The following PRKN variants were observed in gnomAD, a reference collection of about 807,000 sequenced individuals.
The protein encoded by PRKN is parkin RBR E3 ubiquitin protein ligase.
A neutral mutation model predicts 59.5 loss-of-function variants in PRKN; 56 were observed. The observed-to-expected ratio is 0.94, with a 90% CI of 0.76 to 1.18. The LOEUF is 1.18. PRKN is among the 50% of genes most tolerant of loss of function. The pLI, the probability that PRKN is intolerant of heterozygous loss-of-function variation, is 0.00. For missense variants in PRKN, 657 were observed against 596.4 expected (o/e 1.10, Z -1.06); for synonymous variants, 250 against 222.1 (o/e 1.13, Z -1.12).
intron 1 of PRKN, among the ~76,000 whole-genome samples, chr6:162,459,467 CA>C (rs1453721468): frequency 1.3e-5 from 2 of 152,048 alleles, no homozygotes; most frequent in East Asian, 1.9e-4. Flanking sequence ...GCCCACAGAT[CA>C]AAATTCACAA....
intron 7 of PRKN, among the ~76,000 whole-genome samples, chr6:161,607,137 G>A (rs1179328189): frequency 6.6e-6 from 1 of 152,168 alleles, no homozygotes; most frequent in African/African-American, 2.4e-5. Flanking sequence ...ATCTGCAGTT[G>A]TGGAGTCCTA....
At chr6:161,739,007 T>G (rs1788079694) in intron 7 of PRKN, among the ~76,000 whole-genome samples, 1 of 152,208 alleles carries the variant, frequency 6.6e-6, no homozygotes, top group Admixed American at 6.5e-5. Flanking sequence ...TCAAAGCCCC[T>G]ACTGGAAATA....
chr6:162,021,464 T>A (rs1219672720), intron 5 of PRKN, among the ~76,000 whole-genome samples: 7,362 of 29,726 alleles, frequency 0.25, 174 homozygotes, highest in East Asian at 0.34. Flanking sequence ...TATATATATT[T>A]TTTTTTTTTT....
At chr6:162,308,372 G>A (rs934823352) in intron 2 of PRKN, among the ~76,000 whole-genome samples, 1 of 152,148 alleles carries the variant, frequency 6.6e-6, no homozygotes, top group Admixed American at 6.6e-5. Flanking sequence ...GATTGATGAA[G>A]AGGTATTCAA....
intron 2 of PRKN, among the ~76,000 whole-genome samples, chr6:162,368,731 C>A (rs1785588455): frequency 6.6e-6 from 1 of 152,168 alleles, no homozygotes; most frequent in Admixed American, 6.5e-5. Context: ...TAACTAGTGG[C>A]AGCTAGCTAG....
At chr6:162,216,381 T>C (rs1051435449) in intron 3 of PRKN, among the ~76,000 whole-genome samples, 1 of 148,838 alleles carries the variant, frequency 6.7e-6, no homozygotes, top group Non-Finnish European at 1.5e-5. Context: ...ATACAAAAAA[T>C]TAGCCGGGCG....
At chr6:161,651,123 A>T (rs1270927067) in intron 7 of PRKN, among the ~76,000 whole-genome samples, 1 of 152,208 alleles carries the variant, frequency 6.6e-6, no homozygotes, top group Admixed American at 6.5e-5. Context: ...GTCTTTAAGA[A>T]GAGAGGTTTA....
At chr6:161,474,124 C>T (rs1388592976) in intron 9 of PRKN, among the ~76,000 whole-genome samples, 4 of 152,204 alleles carry the variant, frequency 2.6e-5, no homozygotes, top group Non-Finnish European at 4.4e-5. Flanking sequence ...AGTCACTCCA[C>T]CTCTCCTGTG....
intron 11 of PRKN, among the ~76,000 whole-genome samples, chr6:161,358,788 C>CTTTTTTTT (rs34428983): frequency 5.6e-4 from 38 of 67,818 alleles, no homozygotes; most frequent in Non-Finnish European, 6.5e-4. Flanking sequence ...GCCTTCTGCT[C>CTTTTTTTT]TTTTTTTTTT....
chr6:162,569,686 T>C (rs1780231675), intron 1 of PRKN: 1 of 628,402 alleles, frequency 1.6e-6, no homozygotes. Context: ...AGACCTGCGA[T>C]GGGAAGCTGG....
chr6:162,243,164 G>C (rs1166678823), intron 3 of PRKN, among the ~76,000 whole-genome samples: 1 of 152,054 alleles, frequency 6.6e-6, no homozygotes, highest in Non-Finnish European at 1.5e-5. Context: ...GTTTTCTTGA[G>C]ATGGGCTCAA....
Position 161,454,157 on chromosome 6 carries a change from G to A in PRKN, c.1084-67280C>T, listed in dbSNP as rs9456675. 0.013 allele frequency among the ~76,000 whole-genome samples: 1,935 copies of A among 152,260 alleles called. 46 individuals are homozygous for A. Among genetic ancestry groups the A allele is most frequent in the African/African-American group, 0.043 (1,803 of 41,544 alleles). Reference sequence around the variant, plus strand: ...AAGTAACAATGTACACAACTCGCTAGGGTTGCCAGCAGCATTTTGGCGATG... The same window carrying A: ...AAGTAACAATGTACACAACTCGCTAAGGTTGCCAGCAGCATTTTGGCGATG... On this transcript the variant is annotated intron_variant, in intron 9 of 11. Coordinates refer to ENST00000366898, the MANE Select transcript of PRKN (RefSeq NM_004562.3). The surrounding 1 kb of genome is among the most constrained non-coding windows in gnomAD (Gnocchi z 4.6).
At position 161,399,900 on chromosome 6, in the gene PRKN, C is replaced by T. The variant is rs1392410036; in HGVS notation, c.1084-13023G>A. Among the ~76,000 whole-genome samples, 1 of 152,098 alleles carries T rather than the reference C, an allele frequency of 6.6e-6. No individual in the cohort carries two copies. The highest frequency in any genetic ancestry group is 2.4e-5 in the African/African-American group (1 of 41,410). On this transcript the variant is annotated intron_variant, in intron 9 of 11. Coordinates refer to ENST00000366898, the MANE Select transcript of PRKN (RefSeq NM_004562.3). The surrounding 1 kb of genome is among the most constrained non-coding windows in gnomAD (Gnocchi z 4.4). The stretch of plus-strand genomic sequence containing the variant: ...AAAAAGAAACAAGTAAAATTAATTT[C>T]AATATTTTACTTAACTAAATATATT...
At chr6:161,984,084 C>T (rs536395186) in intron 5 of PRKN, among the ~76,000 whole-genome samples, 3 of 152,006 alleles carry the variant, frequency 2.0e-5, no homozygotes, top group Non-Finnish European at 4.4e-5. Flanking sequence ...GCTCTGGCCT[C>T]AGCGGTCAGA....
chr6:162,439,590 T>C (rs1408619992), intron 2 of PRKN, among the ~76,000 whole-genome samples: 1 of 152,082 alleles, frequency 6.6e-6, no homozygotes, highest in African/African-American at 2.4e-5. Context: ...CAGCGGACCC[T>C]TGAATAACAT....
chr6:162,674,539 G>A (rs1460430466), intron 1 of PRKN, among the ~76,000 whole-genome samples: 2 of 152,188 alleles, frequency 1.3e-5, no homozygotes, highest in South Asian at 2.1e-4. Context: ...GACACGAGAA[G>A]CTGATGGTGG....
At position 161,566,287 on chromosome 6, in the gene PRKN, T is replaced by C. The variant is rs1780640036; in HGVS notation, c.933+3068A>G. ...TCCACATTGTGGAGTCCAGTGCTCATTTCTCATCCTTGTCCTTCTTGCTGA... is the reference window on the plus strand; with the variant it reads ...TCCACATTGTGGAGTCCAGTGCTCACTTCTCATCCTTGTCCTTCTTGCTGA... On this transcript the variant is annotated intron_variant, in intron 8 of 11. Coordinates refer to ENST00000366898, the MANE Select transcript of PRKN (RefSeq NM_004562.3). The surrounding 1 kb of genome is among the most constrained non-coding windows in gnomAD (Gnocchi z 4.1). Among the ~76,000 whole-genome samples, 1 of 152,222 alleles carries C rather than the reference T, an allele frequency of 6.6e-6. No homozygotes were observed. The highest frequency in any genetic ancestry group is 2.4e-5 in the African/African-American group (1 of 41,458).
chr6:161,961,306 G>A (rs1243960989), intron 6 of PRKN, among the ~76,000 whole-genome samples: 1 of 152,204 alleles, frequency 6.6e-6, no homozygotes. Context: ...AGGGTAATAT[G>A]CAAGGAGGAG....
chr6:162,394,235 G>A lies in PRKN; in HGVS notation c.171+49075C>T, dbSNP rs562049935. Among the ~76,000 whole-genome samples the A allele has an allele frequency of 7.2e-5, 11 of 152,284 alleles. No individual in the cohort carries two copies. The South Asian group carries it at 1.2e-3, about 17-fold the overall frequency. On this transcript the variant is annotated intron_variant, in intron 2 of 11. Transcript: ENST00000366898. ...CATTAGGTAGTTCAGAAGAGGAGGTGCAATGCAAAAGGTCCTCTGCAATGC... is the reference window on the plus strand; with the variant it reads ...CATTAGGTAGTTCAGAAGAGGAGGTACAATGCAAAAGGTCCTCTGCAATGC...
Sources: gnomAD v4.1 joint callset for allele counts (sites outside exome capture counted in the v4.1 genomes callset) on GRCh38, gnomAD v4.1.1 for gene constraint, Gnocchi (gnomAD v3.1) non-coding constraint, MANE v1.5 for transcripts, NCBI Gene and HGNC (gene_info 2026-07-23, HGNC 2026-07-21) for gene names.